Variants in AGO4 observed in about 807,000 individuals in gnomAD.
AGO4 encodes the protein argonaute RISC component 4, also known as protein argonaute-4.
A neutral mutation model predicts 104.7 loss-of-function variants in AGO4; 33 were observed. That is an observed-to-expected ratio of 0.32 (90% CI 0.24 to 0.42). AGO4 has a LOEUF of 0.42. Among genes scored for constraint, AGO4 ranks in the 10% least tolerant of loss-of-function variants. The probability of loss-of-function intolerance (pLI) is 1.00; values close to 1 mark genes in which losing one functional copy is unlikely to be tolerated. For synonymous variants in AGO4, 331 were observed against 364.7 expected, an observed-to-expected ratio of 0.91 and a Z score of 1.05; for missense variants, 711 against 1,083.4, an observed-to-expected ratio of 0.66 and a Z score of 4.83.
intron 2 of AGO4, among the ~76,000 whole-genome samples, chr1:35,818,641 GAAA>G (rs1557552090): frequency 2.1e-4 from 21 of 99,982 alleles, no homozygotes; most frequent in East Asian, 7.2e-4. Flanking sequence ...AAGAAAGAAA[GAAA>G]GAAAGAAAGA....
At chr1:35,810,899 AG>A (rs1571248094) in intron 1 of AGO4, among the ~76,000 whole-genome samples, 2 of 152,144 alleles carry the variant, frequency 1.3e-5, no homozygotes, top group Non-Finnish European at 2.9e-5. Flanking sequence ...TGGGAGGTTG[AG>A]GTGGGCGGAT....
Position 35,831,947 on chromosome 1 carries a change from T to G in AGO4, c.1116+16T>G. On this transcript the variant is annotated intron_variant, in intron 9 of 17. Coordinates refer to ENST00000373210, the MANE Select transcript of AGO4 (RefSeq NM_017629.4). ...CAGTAGACTGGTCAGTAAGGCATGGTCTTCAAGATGAGCTAGCTTTGAGAT... is the reference window on the plus strand; with the variant it reads ...CAGTAGACTGGTCAGTAAGGCATGGGCTTCAAGATGAGCTAGCTTTGAGAT... 1 of 1,612,530 alleles carries G rather than the reference T, an allele frequency of 6.2e-7. No individual in the cohort carries two copies. The highest frequency in any genetic ancestry group is 1.3e-5 in the African/African-American group (1 of 74,958).
intron 13 of AGO4, among the ~76,000 whole-genome samples, chr1:35,836,514 A>AT (rs1314340651): frequency 6.6e-6 from 1 of 152,208 alleles, no homozygotes; most frequent in Non-Finnish European, 1.5e-5. Context: ...GGTTCACGCC[A>AT]TTCTTCTGCC....
chr1:35,841,538 C>T lies in AGO4; in HGVS notation c.2040+58C>T. 1 of 1,607,932 alleles carries T rather than the reference C, an allele frequency of 6.2e-7. No individual in the cohort carries two copies. The stretch of plus-strand genomic sequence containing the variant: ...CCCTAGGAGTCTGAGGGAGATTCCT[C>T]TCATCTACCATTCTGGGTAGATCTG... On this transcript the variant is annotated intron_variant, in intron 14 of 17. Transcript: ENST00000373210. The surrounding 1 kb of genome is among the most constrained non-coding windows in gnomAD (Gnocchi z 4.7).
rs60952067 is a variant in AGO4, at chr1:35,818,625, A to AAAAGAAAGAAAGAAAG, written c.185+1599_185+1614dup. The stretch of plus-strand genomic sequence containing the variant: ...GGCAACAGAGGGAGACTCTGTCTCA[A>AAAAGAAAGAAAGAAAG]AAAGAAAGAAAGAAAGAAAGAAAGA... On this transcript the variant is annotated intron_variant, in intron 2 of 17. Coordinates refer to ENST00000373210, the MANE Select transcript of AGO4 (RefSeq NM_017629.4). Among the ~76,000 whole-genome samples, 689 of 126,094 alleles carry AAAAGAAAGAAAGAAAG rather than the reference A, an allele frequency of 5.5e-3. 5 individuals carry two copies. Among genetic ancestry groups the AAAAGAAAGAAAGAAAG allele is most frequent in the Non-Finnish European group, 6.3e-3 (384 of 61,430 alleles). 82.7% of individuals were successfully genotyped at this position (126,094 alleles called of 152,430 possible).
At chr1:35,839,818 G>A (rs1008561130) in intron 13 of AGO4, among the ~76,000 whole-genome samples, 2 of 151,704 alleles carry the variant, frequency 1.3e-5, no homozygotes, top group Admixed American at 6.6e-5. Flanking sequence ...ATTAACACTC[G>A]CAGTCCCAAA....
chr1:35,841,050 GTCTT>G lies in AGO4; in HGVS notation c.1725-113_1725-110del. 8.7e-7 allele frequency: 1 copy of G among 1,143,078 alleles called. No individual in the cohort carries two copies. The highest frequency in any genetic ancestry group is 1.2e-6 in the Non-Finnish European group (1 of 806,024). The allele number at this position is 1,143,078 out of a possible 1,614,324, so 70.8% of individuals were successfully genotyped here. On this transcript the variant is annotated intron_variant, in intron 13 of 17. Coordinates refer to ENST00000373210, the MANE Select transcript of AGO4 (RefSeq NM_017629.4). This position sits in a 1 kb window ranked among gnomAD's most constrained non-coding sequence, Gnocchi z 4.7. The stretch of plus-strand genomic sequence containing the variant: ...TAGTGTTCTTTCCCAATGGGCTTAA[GTCTT>G]TGTTCTCTCTTATAAGGTTATATCT...
chr1:35,850,829 A>T (rs750127761), intron 16 of AGO4, 25 bp from the exon 17 acceptor site: 2 of 1,467,032 alleles, frequency 1.4e-6, no homozygotes, highest in Non-Finnish European at 9.2e-7. Context: ...AAAAAAAAAC[A>T]TTAATCATAA....
chr1:35,841,659 G>T lies in AGO4; in HGVS notation c.2084G>T (p.Ser695Ile). ...ATAGCAATTCGAAAGGCATGTATTAGCTTGGAAGAAGATTACCGGCCAGGA... is the reference window on the plus strand; with the variant it reads ...ATAGCAATTCGAAAGGCATGTATTATCTTGGAAGAAGATTACCGGCCAGGA... ...ELIAIRKACI[S>I]LEEDYRPGIT... The change falls in exon 15 of 18, where the codon AGC becomes ATC. Residue 695 changes from serine (S) to isoleucine (I), a missense_variant. By Grantham distance (142) the Ser-to-Ile change is moderately radical (BLOSUM62 -2). Coordinates refer to ENST00000373210, the MANE Select transcript of AGO4 (RefSeq NM_017629.4). The surrounding 1 kb of genome is among the most constrained non-coding windows in gnomAD (Gnocchi z 4.7). The T allele has an allele frequency of 1.2e-6, 2 of 1,614,002 alleles. No homozygotes were observed. The highest frequency in any genetic ancestry group is 1.7e-6 in the Non-Finnish European group (2 of 1,179,990).
At chr1:35,837,546 A>T (rs1286463914) in intron 13 of AGO4, among the ~76,000 whole-genome samples, 2 of 151,314 alleles carry the variant, frequency 1.3e-5, no homozygotes, top group Non-Finnish European at 2.9e-5. Context: ...TGCTCGGCTA[A>T]TGTTTTTATT....
Position 35,813,778 on chromosome 1 carries a change from A to G in AGO4, c.20-3104A>G, listed in dbSNP as rs114321764. On this transcript the variant is annotated intron_variant, in intron 1 of 17. Transcript: ENST00000373210. ...AAAGAAAAAAAGAAGAAGAAGAAGAAGAGGAAGAGGAAGAAGGAAGAAGGA... is the reference window on the plus strand; with the variant it reads ...AAAGAAAAAAAGAAGAAGAAGAAGAGGAGGAAGAGGAAGAAGGAAGAAGGA... 6.7e-3 allele frequency among the ~76,000 whole-genome samples: 1,017 copies of G among 151,504 alleles called. 13 individuals are homozygous for G. The highest frequency in any genetic ancestry group is 0.023 in the African/African-American group (964 of 41,318).
At chr1:35,824,437 A>G (rs1387704475) in intron 3 of AGO4, among the ~76,000 whole-genome samples, 1 of 151,998 alleles carries the variant, frequency 6.6e-6, no homozygotes, top group Non-Finnish European at 1.5e-5. Context: ...ATACATTTAT[A>G]TCTACCTTAT....
Position 35,817,079 on chromosome 1 carries a change from T to A in AGO4, c.185+32T>A, listed in dbSNP as rs912950192. ...ATTAGAAACAGTGGATTTCTGTATATTTAAGTGCATATAATTTATTTATGT... is the reference window on the plus strand; with the variant it reads ...ATTAGAAACAGTGGATTTCTGTATAATTAAGTGCATATAATTTATTTATGT... On this transcript the variant is annotated intron_variant, in intron 2 of 17. Transcript: ENST00000373210. The A allele has an allele frequency of 1.9e-6, 3 of 1,544,188 alleles. No homozygotes were observed. In the African/African-American group the frequency reaches 4.2e-5, roughly 22 times the overall value.
chr1:35,835,367 A>G (rs1294115830), intron 12 of AGO4, among the ~76,000 whole-genome samples: 1 of 152,104 alleles, frequency 6.6e-6, no homozygotes, highest in Non-Finnish European at 1.5e-5. Context: ...CCAGTTTTAA[A>G]CTTTATAAAA....
intron 1 of AGO4, among the ~76,000 whole-genome samples, chr1:35,811,064 G>A (rs981875470): frequency 2.6e-5 from 4 of 151,912 alleles, no homozygotes; most frequent in African/African-American, 9.7e-5. Context: ...GAAGTGGGAG[G>A]ATGGCTTGAG....
At position 35,853,687 on chromosome 1, in the gene AGO4, G is replaced by A. The variant is rs1644759452; in HGVS notation, c.*82G>A. 6.7e-6 allele frequency: 8 copies of A among 1,196,222 alleles called. No homozygotes were observed. The East Asian group carries it at 2.0e-4, about 29-fold the overall frequency. 74.1% of individuals were successfully genotyped at this position (1,196,222 alleles called of 1,614,324 possible). Reference sequence around the variant, plus strand: ...CAAATGCCTACCGCCTCTAGATCGAGCCACGTTGACTTCAGGTGGTCTTCT... The same window carrying A: ...CAAATGCCTACCGCCTCTAGATCGAACCACGTTGACTTCAGGTGGTCTTCT... On this transcript the variant is annotated 3_prime_UTR_variant, in exon 18 of 18. Transcript: ENST00000373210.
rs56716362 is a variant in AGO4 at position 35,845,113 on chromosome 1, CTT to C, written c.2175+3380_2175+3381del. On this transcript the variant is annotated intron_variant, in intron 15 of 17. Coordinates refer to ENST00000373210, the MANE Select transcript of AGO4 (RefSeq NM_017629.4). ...TTTACTACCCACCTTTGTAATCAGACTTTTTTTTTTTTTTTTTTGAAATGGAG... is the reference window on the plus strand; with the variant it reads ...TTTACTACCCACCTTTGTAATCAGACTTTTTTTTTTTTTTTTGAAATGGAG... 6.3e-3 allele frequency among the ~76,000 whole-genome samples: 250 copies of C among 39,384 alleles called. 10 individuals carry two copies. The East Asian group carries it at 0.1, about 16-fold the overall frequency. 25.8% of individuals were successfully genotyped at this position (39,384 alleles called of 152,430 possible). A position where few individuals can be genotyped will look rare whatever the true frequency, so the allele number is the denominator to read the frequency against.
chr1:35,836,286 G>A (rs895185924), intron 13 of AGO4, among the ~76,000 whole-genome samples: 3 of 152,178 alleles, frequency 2.0e-5, no homozygotes, highest in African/African-American at 7.2e-5. Context: ...CATGCAGGAT[G>A]TACTATTTTG....
chr1:35,820,921 GTAT>G (rs537909930), intron 2 of AGO4, among the ~76,000 whole-genome samples: 5 of 151,826 alleles, frequency 3.3e-5, no homozygotes, highest in Admixed American at 2.6e-4. Context: ...TTCAAGGGAA[GTAT>G]TATTATTATT....
Sources: gnomAD v4.1 joint callset for allele counts (sites outside exome capture counted in the v4.1 genomes callset) on GRCh38, gnomAD v4.1.1 for gene constraint, Gnocchi (gnomAD v3.1) non-coding constraint, MANE v1.5 for transcripts, NCBI Gene and HGNC (gene_info 2026-07-23, HGNC 2026-07-21) for gene names.